PLB1: variants seen among roughly 807,000 people sequenced by gnomAD.
PLB1 encodes the protein phospholipase B1, membrane-associated.
PLB1 carries 242 observed loss-of-function variants against 227.4 expected under a neutral mutation model. The ratio of observed to expected loss-of-function variants is 1.06; its 90% confidence interval spans 0.96 to 1.18. The LOEUF is 1.18. Among genes scored for constraint, PLB1 ranks in the 50% most tolerant of loss-of-function variants. The pLI, the probability that PLB1 is intolerant of heterozygous loss-of-function variation, is 0.00. For missense variants in PLB1, 1,858 were observed against 1,816.3 expected (o/e 1.02, Z -0.42); for synonymous variants, 757 against 682.2 (o/e 1.11, Z -1.71).
At chr2:28,602,578 A>G (rs1166784847) in intron 38 of PLB1, among the ~76,000 whole-genome samples, 2 of 152,206 alleles carry the variant, frequency 1.3e-5, no homozygotes, top group East Asian at 3.8e-4. Flanking sequence ...ATGATCTCTT[A>G]GTCTTTATTG....
intron 19 of PLB1, among the ~76,000 whole-genome samples, chr2:28,566,082 C>T (rs1019279124): frequency 9.2e-5 from 14 of 152,128 alleles, no homozygotes; most frequent in East Asian, 3.8e-4. Flanking sequence ...GCTGCAAGCC[C>T]GGGCAGGTTT....
intron 44 of PLB1, 146 bp downstream of exon 44, chr2:28,614,242 C>A: frequency 1.2e-6 from 1 of 812,690 alleles, no homozygotes; most frequent in Non-Finnish European, 2.0e-6. Flanking sequence ...GAAAAGGCTC[C>A]CGGACCACGA....
At chr2:28,634,733 A>G (rs1273514557) in intron 56 of PLB1, among the ~76,000 whole-genome samples, 2 of 152,096 alleles carry the variant, frequency 1.3e-5, no homozygotes, top group Non-Finnish European at 2.9e-5. Flanking sequence ...CACAGGGGAG[A>G]TTCTGTCTCT....
At chr2:28,508,746 G>C (rs1009695110) in intron 1 of PLB1, among the ~76,000 whole-genome samples, 1 of 152,208 alleles carries the variant, frequency 6.6e-6, no homozygotes, top group Admixed American at 6.5e-5. Context: ...CACCCTTGCT[G>C]GTGTGGTCTG....
intron 46 of PLB1, among the ~76,000 whole-genome samples, chr2:28,619,669 G>T (rs1396791153): frequency 1.3e-5 from 2 of 152,030 alleles, no homozygotes; most frequent in Non-Finnish European, 2.9e-5. Flanking sequence ...ATGGGAGTGG[G>T]TGGTAATGGG....
At chr2:28,564,680 T>C (rs948257220) in intron 18 of PLB1, among the ~76,000 whole-genome samples, 3 of 152,110 alleles carry the variant, frequency 2.0e-5, no homozygotes, top group Non-Finnish European at 4.4e-5. Flanking sequence ...GGATCACACC[T>C]GGGGGGCCTC....
intron 14 of PLB1, among the ~76,000 whole-genome samples, chr2:28,545,346 C>T (rs945055203): frequency 6.6e-6 from 1 of 152,224 alleles, no homozygotes; most frequent in African/African-American, 2.4e-5. Flanking sequence ...CAAGCATCCC[C>T]AGTCCCTCGT....
chr2:28,541,654 G>T, intron 12 of PLB1, 53 bp from the exon 13 acceptor site: 1 of 1,416,208 alleles, frequency 7.1e-7, no homozygotes, highest in Middle Eastern at 1.8e-4. Flanking sequence ...GTCTGGGGCC[G>T]GCTCTGCCTC....
chr2:28,635,174 G>A (rs890591047), intron 56 of PLB1, among the ~76,000 whole-genome samples: 37 of 152,120 alleles, frequency 2.4e-4, no homozygotes, highest in African/African-American at 8.5e-4. Context: ...CCATCCAGGG[G>A]TTTCTTATCC....
intron 4 of PLB1, among the ~76,000 whole-genome samples, chr2:28,521,334 A>C (rs1669506780): frequency 6.6e-6 from 1 of 152,188 alleles, no homozygotes; most frequent in Admixed American, 6.5e-5. Flanking sequence ...CTATTTTTAA[A>C]ACTCTTTGAG....
chr2:28,614,408 G>C (rs1298412936), intron 44 of PLB1, among the ~76,000 whole-genome samples: 2 of 152,196 alleles, frequency 1.3e-5, no homozygotes, highest in Non-Finnish European at 2.9e-5. Context: ...AAGAGGGAGA[G>C]GCAGCTGGTG....
intron 54 of PLB1, among the ~76,000 whole-genome samples, chr2:28,631,153 AAAAAAAAAAAAAAG>A (rs1213125339): frequency 2.3e-5 from 1 of 44,228 alleles, no homozygotes; most frequent in African/African-American, 1.9e-4. Flanking sequence ...ACCCTATCTC[AAAAAAAAAAAAAAG>A]AAAAAAAGAA....
intron 16 of PLB1, 110 bp from the exon 17 acceptor site, chr2:28,552,818 A>G (rs1572928212): frequency 2.3e-6 from 2 of 859,104 alleles, no homozygotes; most frequent in East Asian, 2.5e-5. Flanking sequence ...AATGACATCA[A>G]AGTTTTACTT....
At chr2:28,625,158 G>T (rs762473193) in intron 50 of PLB1, 50 bp downstream of exon 50, 2 of 1,548,984 alleles carry the variant, frequency 1.3e-6, no homozygotes, top group Admixed American at 1.7e-5. Context: ...TCTCCTGCTG[G>T]CTGGGGAGGG....
At chr2:28,581,531 AAAT>A (rs1378631143) in intron 23 of PLB1, among the ~76,000 whole-genome samples, 43 of 137,256 alleles carry the variant, frequency 3.1e-4, no homozygotes, top group African/African-American at 5.3e-4. Flanking sequence ...ATAAATAAAT[AAAT>A]AAAATTAAAA....
chr2:28,585,568 C>T (rs1558835287), intron 25 of PLB1, 193 bp from the exon 26 acceptor site: 3 of 551,148 alleles, frequency 5.4e-6, no homozygotes, highest in Non-Finnish European at 1.0e-5. Flanking sequence ...TGAGCCACCG[C>T]GCCTGGCCTG....
chr2:28,579,585 T>C (rs1369279483), intron 22 of PLB1, 42 bp from the exon 23 acceptor site: 1 of 1,523,750 alleles, frequency 6.6e-7, no homozygotes, highest in Non-Finnish European at 9.1e-7. Context: ...TTGACTTGAC[T>C]CTGGGACAAG....
At chr2:28,591,617 CAA>C (rs1681952974) in intron 30 of PLB1, 81 bp from the exon 31 acceptor site, 1 of 1,424,214 alleles carries the variant, frequency 7.0e-7, no homozygotes, top group Non-Finnish European at 9.8e-7. Flanking sequence ...CTGTATTTTT[CAA>C]AGTTCTTGGG....
chr2:28,525,972 T>A, intron 6 of PLB1, 27 bp downstream of exon 6: 1 of 1,613,688 alleles, frequency 6.2e-7, no homozygotes, highest in Non-Finnish European at 8.5e-7. Flanking sequence ...ACGGCCAGAT[T>A]TCAGAGTGCC....
Sources: gnomAD v4.1 joint callset for allele counts (sites outside exome capture counted in the v4.1 genomes callset) on GRCh38, gnomAD v4.1.1 for gene constraint, MANE v1.5 for transcripts, NCBI Gene and HGNC (gene_info 2026-07-23, HGNC 2026-07-21) for gene names.